Variants in TG observed in about 807,000 individuals in gnomAD.
TG encodes thyroid hormones.
Under a neutral mutation model 324.7 loss-of-function variants are expected in TG, and 270 were observed. That is an observed-to-expected ratio of 0.83 (90% CI 0.75 to 0.92). The LOEUF (loss-of-function observed/expected upper bound fraction) is 0.92. Ranked by LOEUF, TG falls within the 40% of genes least tolerant of loss-of-function variation. The pLI, the probability that TG is intolerant of heterozygous loss-of-function variation, is 0.00. For missense variants in TG, 3,591 were observed against 3,456.4 expected (o/e 1.04, Z -0.98); for synonymous variants, 1,401 against 1,327.0 (o/e 1.06, Z -1.21).
intron 41 of TG, among the ~76,000 whole-genome samples, chr8:133,032,847 T>C (rs1005349532): frequency 6.6e-6 from 1 of 152,216 alleles, no homozygotes; most frequent in Non-Finnish European, 1.5e-5. Flanking sequence ...GCACTTTCAG[T>C]GTCTTATCTC....
chr8:133,064,229 T>A (rs1842773778), intron 41 of TG: 1 of 152,258 alleles, frequency 6.6e-6, no homozygotes, highest in Admixed American at 6.5e-5. Flanking sequence ...GCGAGCCTGA[T>A]AACCCCATTT....
Position 133,095,168 on chromosome 8 carries a change from G to A in TG, c.7364G>A (p.Arg2455His), listed in dbSNP as rs2272707. The A allele has an allele frequency of 2.4e-4, 395 of 1,614,182 alleles. 1 individual carries two copies. The East Asian group carries it at 7.5e-3, about 31-fold the overall frequency. ...AGCCAAGAAGTGGTGTCCTGCCTCC[G>A]CCAGAAGCCTGCCAATGTCCTCAAT... ...SSSQEVVSCL[R>H]QKPANVLNDA... Residue 2455 changes from arginine (R) to histidine (H), a missense_variant, in exon 42 of 48, where the codon CGC (arginine) becomes CAC (histidine). Coordinates refer to ENST00000220616, the MANE Select transcript of TG (RefSeq NM_003235.5).
At chr8:133,018,235 C>T (rs1360116765) in intron 38 of TG, among the ~76,000 whole-genome samples, 1 of 152,152 alleles carries the variant, frequency 6.6e-6, no homozygotes, top group Non-Finnish European at 1.5e-5. Flanking sequence ...CCTGTATGCT[C>T]TGCTCCATGC....
chr8:133,072,837 G>A (rs981627089), intron 41 of TG: 1 of 99,592 alleles, frequency 1.0e-5, no homozygotes, highest in Non-Finnish European at 2.4e-5. Context: ...ACCTACCCCT[G>A]TCTGTTTCGT....
At chr8:133,049,322 G>A in intron 41 of TG, 1 of 363,992 alleles carries the variant, frequency 2.7e-6, no homozygotes, top group South Asian at 2.0e-5. Context: ...TTCTGGATAG[G>A]TATTTGATTA....
At chr8:132,951,905 T>C (rs1826160604) in intron 27 of TG, among the ~76,000 whole-genome samples, 1 of 152,024 alleles carries the variant, frequency 6.6e-6, no homozygotes, top group Admixed American at 6.6e-5. Flanking sequence ...CAGATATTGA[T>C]GGAGGAAAAG....
Position 132,998,483 on chromosome 8 carries a change from A to G in TG, c.6263-13418A>G, listed in dbSNP as rs184079960. Among the ~76,000 whole-genome samples, 9 of 152,338 alleles carry G rather than the reference A, an allele frequency of 5.9e-5. No individual in the cohort carries two copies. The East Asian group carries it at 1.7e-3, about 29-fold the overall frequency. On this transcript the variant is annotated intron_variant, in intron 35 of 47. Coordinates refer to ENST00000220616, the MANE Select transcript of TG (RefSeq NM_003235.5). The stretch of plus-strand genomic sequence containing the variant: ...CTTTGCCCATGCTCAGCAGACTGAG[A>G]CAAGCTGCAGGGAAAGAGAGCCCAT...
intron 5 of TG, among the ~76,000 whole-genome samples, chr8:132,874,173 A>G (rs1839754358): frequency 6.6e-6 from 1 of 152,206 alleles, no homozygotes; most frequent in Admixed American, 6.5e-5. Context: ...CTCCATCTCA[A>G]AAGAAAAATA....
intron 45 of TG, among the ~76,000 whole-genome samples, chr8:133,127,895 G>A (rs968196110): frequency 4.6e-5 from 7 of 152,004 alleles, no homozygotes; most frequent in East Asian, 1.9e-4. Flanking sequence ...GTGCTGAGTC[G>A]CTACCCACAT....
chr8:133,046,049 C>G lies in TG; in HGVS notation c.7239+16026C>G, dbSNP rs560258498. Reference sequence around the variant, plus strand: ...AGGCGGGTTATTGCTCCTTAAGCCTCGTTAGAGCAATGACCTGATATGGGT... The same window carrying G: ...AGGCGGGTTATTGCTCCTTAAGCCTGGTTAGAGCAATGACCTGATATGGGT... On this transcript the variant is annotated intron_variant, in intron 41 of 47. Transcript: ENST00000220616. Among the ~76,000 whole-genome samples the G allele has an allele frequency of 2.6e-5, 4 of 152,256 alleles. No homozygotes were observed. In the East Asian group the frequency reaches 7.7e-4, roughly 29 times the overall value.
intron 10 of TG, among the ~76,000 whole-genome samples, chr8:132,890,490 A>G (rs1238049034): frequency 6.6e-6 from 1 of 152,166 alleles, no homozygotes; most frequent in Non-Finnish European, 1.5e-5. Context: ...CCACCTATTG[A>G]ATCAAAACCT....
intron 26 of TG, among the ~76,000 whole-genome samples, chr8:132,947,580 A>G (rs1475979817): frequency 1.3e-5 from 2 of 152,242 alleles, no homozygotes; most frequent in South Asian, 2.1e-4. Context: ...CAGATTGGAC[A>G]TAAATTAGGA....
At position 133,116,609 on chromosome 8, in the gene TG, G is replaced by A; in HGVS notation, c.7755G>A (p.Arg2585=). Residue 2585 remains arginine, a splice_region_variant and synonymous_variant, in exon 45 of 48, where the codon CGG becomes CGA. Coordinates refer to ENST00000220616, the MANE Select transcript of TG (RefSeq NM_003235.5). ...TCCCCCCATGTTCTCTTTTCACCAGGGACTACTTTATCATCTGCCCTATAA... is the reference window on the plus strand; with the variant it reads ...TCCCCCCATGTTCTCTTTTCACCAGAGACTACTTTATCATCTGCCCTATAA... ...SFSRALENAT[R]DYFIICPIID... is the part of the protein sequence containing the mutation. 6.2e-7 allele frequency: 1 copy of A among 1,613,684 alleles called. No individual in the cohort carries two copies. The highest frequency in any genetic ancestry group is 1.1e-5 in the South Asian group (1 of 91,080).
chr8:133,000,672 G>A (rs537656839), intron 35 of TG, among the ~76,000 whole-genome samples: 7 of 152,296 alleles, frequency 4.6e-5, no homozygotes, highest in Admixed American at 6.5e-5. Context: ...GTGCCGCTTC[G>A]TACAGGAGAT....
chr8:133,107,688 C>T (rs902807298), intron 43 of TG, among the ~76,000 whole-genome samples: 1 of 152,162 alleles, frequency 6.6e-6, no homozygotes. Context: ...ACTTTTGGGT[C>T]ATCTCCAAAA....
intron 41 of TG, among the ~76,000 whole-genome samples, chr8:133,092,789 T>G (rs1458479161): frequency 6.6e-6 from 1 of 152,192 alleles, no homozygotes; most frequent in Non-Finnish European, 1.5e-5. Context: ...TGCTTTAAAA[T>G]GAAGGCTGAG....
chr8:132,913,252 C>T lies in TG; in HGVS notation c.4365C>T (p.Asp1455=), dbSNP rs57453794. 1.8e-3 allele frequency: 2,870 copies of T among 1,614,110 alleles called. 39 individuals carry two copies. In the African/African-American group the frequency reaches 0.033, roughly 18 times the overall value. ...YQVLTSEASQ[D]GLGCVKCPEG... is the part of the protein sequence containing the mutation. ...TCTTGACAAGTGAGGCCAGTCAGGA[C>T]GGACTGGGATGCGGTAGGTCCACTC... The change falls in exon 20 of 48, where the codon GAC becomes GAT. Residue 1455 remains aspartate (D), a synonymous_variant. Coordinates refer to ENST00000220616, the MANE Select transcript of TG (RefSeq NM_003235.5).
At position 133,013,488 on chromosome 8, in the gene TG, T is replaced by C. The variant is rs948605136; in HGVS notation, c.6398-112T>C. On this transcript the variant is annotated intron_variant, in intron 36 of 47. Transcript: ENST00000220616. ...ATGGATGCATGATTGGATAGAAGGA[T>C]GGATGGATGGAAGGGTGGATGAGTG... 11 of 1,294,902 alleles carry C rather than the reference T, an allele frequency of 8.5e-6. No individual in the cohort carries two copies. The African/African-American group carries it at 1.3e-4, about 15-fold the overall frequency. 80.2% of individuals were successfully genotyped at this position (1,294,902 alleles called of 1,614,324 possible).
chr8:132,972,882 A>T, intron 34 of TG, 141 bp downstream of exon 34: 1 of 1,143,624 alleles, frequency 8.7e-7, no homozygotes, highest in Non-Finnish European at 1.3e-6. Context: ...ATTCTGTTTA[A>T]CTTAAGCAGA....
Sources: allele counts gnomAD v4.1 joint callset (sites outside exome capture counted in the v4.1 genomes callset), GRCh38; gene constraint gnomAD v4.1.1; transcripts MANE v1.5; gene names NCBI Gene and HGNC (gene_info 2026-07-23, HGNC 2026-07-21).